SLIT3: variants seen among roughly 807,000 people sequenced by gnomAD.
SLIT3 encodes the protein slit guidance ligand 3.
SLIT3 carries 68 observed loss-of-function variants against 184.0 expected under a neutral mutation model. That is an observed-to-expected ratio of 0.37 (90% CI 0.30 to 0.45). The LOEUF (loss-of-function observed/expected upper bound fraction) is 0.45, where lower values mean the gene tolerates loss of function less well. SLIT3 is among the 20% of genes least tolerant of loss of function. The pLI, the probability that SLIT3 is intolerant of heterozygous loss-of-function variation, is 1.00. For missense variants in SLIT3, 1,707 were observed against 2,026.0 expected, an observed-to-expected ratio of 0.84 and a Z score of 3.02; for synonymous variants, 831 against 828.6, an observed-to-expected ratio of 1.00 and a Z score of -0.05.
chr5:169,002,388 G>A (rs1285305143), intron 4 of SLIT3, among the ~76,000 whole-genome samples: 1 of 142,260 alleles, frequency 7.0e-6, no homozygotes, highest in Admixed American at 7.2e-5. Flanking sequence ...GCATCAATGA[G>A]TACAGATGGG....
At chr5:169,161,948 G>A (rs762333365) in intron 4 of SLIT3, among the ~76,000 whole-genome samples, 9 of 152,198 alleles carry the variant, frequency 5.9e-5, no homozygotes, top group Non-Finnish European at 1.0e-4. Context: ...CTTGTTATGA[G>A]AATTAAGTTC....
chr5:169,206,174 T>C (rs945137790), intron 3 of SLIT3, among the ~76,000 whole-genome samples: 2 of 152,184 alleles, frequency 1.3e-5, no homozygotes, highest in African/African-American at 4.8e-5. Flanking sequence ...TTAGCAACAC[T>C]CTGCAAAAGC....
At chr5:169,184,031 A>G (rs1763251677) in intron 4 of SLIT3, among the ~76,000 whole-genome samples, 2 of 152,250 alleles carry the variant, frequency 1.3e-5, no homozygotes. Flanking sequence ...AGGGCTGAAG[A>G]GACTAAAATG....
intron 4 of SLIT3, among the ~76,000 whole-genome samples, chr5:169,119,307 AG>A (rs1760798081): frequency 6.6e-6 from 1 of 152,192 alleles, no homozygotes; most frequent in African/African-American, 2.4e-5. Context: ...TCTCCTAGGA[AG>A]GAGCACCCCC....
intron 28 of SLIT3, among the ~76,000 whole-genome samples, chr5:168,693,183 C>T (rs1245319630): frequency 1.3e-5 from 2 of 152,182 alleles, no homozygotes; most frequent in Non-Finnish European, 2.9e-5. Context: ...CAGGCAATTA[C>T]AATACAGACT....
chr5:169,022,316 G>C (rs1404293807), intron 4 of SLIT3: 1 of 152,212 alleles, frequency 6.6e-6, no homozygotes, highest in African/African-American at 2.4e-5. Context: ...TGGACACCAA[G>C]GTGGACAGAC....
chr5:169,189,766 C>A (rs769877347), intron 4 of SLIT3, among the ~76,000 whole-genome samples: 167 of 151,968 alleles, frequency 1.1e-3, no homozygotes, highest in Non-Finnish European at 2.0e-3. Context: ...AATTCTTTAA[C>A]CTTTCTGCAC....
chr5:169,103,302 C>G (rs1181246061), intron 4 of SLIT3, among the ~76,000 whole-genome samples: 2 of 152,276 alleles, frequency 1.3e-5, no homozygotes, highest in African/African-American at 2.4e-5. Flanking sequence ...ACAAGTCAAG[C>G]CTGTTTTATT....
At chr5:168,786,601 G>A (rs774927625) in intron 11 of SLIT3, among the ~76,000 whole-genome samples, 1 of 151,444 alleles carries the variant, frequency 6.6e-6, no homozygotes, top group African/African-American at 2.4e-5. Flanking sequence ...TTCCAGGAAC[G>A]CAGGAACTCA....
chr5:169,121,319 CTAGAT>C (rs927812222), intron 4 of SLIT3, among the ~76,000 whole-genome samples: 9 of 152,160 alleles, frequency 5.9e-5, no homozygotes, highest in African/African-American at 2.2e-4. Flanking sequence ...CAAGAGAGGG[CTAGAT>C]TAAAGTCACA....
chr5:169,177,689 A>T (rs55710415), intron 4 of SLIT3, among the ~76,000 whole-genome samples: 4,463 of 152,266 alleles, frequency 0.029, 87 homozygotes, highest in South Asian at 0.096. Context: ...TGGAAAAGAA[A>T]ATGATGCCGA....
chr5:169,040,980 T>C (rs1757431651), intron 4 of SLIT3, among the ~76,000 whole-genome samples: 1 of 152,222 alleles, frequency 6.6e-6, no homozygotes, highest in African/African-American at 2.4e-5. Flanking sequence ...ATAGGTGTAC[T>C]GTCAATACAA....
rs201914229 is a variant in SLIT3, at chr5:168,762,715, C to T, written c.1460-26G>A. On this transcript the variant is annotated intron_variant, in intron 14 of 35. Coordinates refer to ENST00000519560, the MANE Select transcript of SLIT3 (RefSeq NM_003062.4). ...CTGGGAGGGGCCAAAGAGGGGACGT[C>T]AGCGTCACCCGAGTTCCACGCACAG... 1,609 of 1,607,818 alleles carry T rather than the reference C, an allele frequency of 1.0e-3. 2 individuals are homozygous for T. The Middle Eastern group carries it at 0.012, about 12-fold the overall frequency.
chr5:168,955,615 G>T (rs1213325893), intron 4 of SLIT3, among the ~76,000 whole-genome samples: 1 of 152,234 alleles, frequency 6.6e-6, no homozygotes, highest in Non-Finnish European at 1.5e-5. Context: ...GTGAACTGGT[G>T]CCTGCAAGGG....
chr5:169,071,501 C>T (rs978954378), intron 4 of SLIT3, among the ~76,000 whole-genome samples: 17 of 152,084 alleles, frequency 1.1e-4, no homozygotes, highest in African/African-American at 3.4e-4. Flanking sequence ...GCACCCAGAG[C>T]GATAAATGAC....
intron 4 of SLIT3, among the ~76,000 whole-genome samples, chr5:168,962,182 C>T (rs970806417): frequency 3.3e-5 from 5 of 152,072 alleles, no homozygotes; most frequent in Admixed American, 6.5e-5. Flanking sequence ...AGGCTCAGGG[C>T]ATCTCCCAAG....
intron 1 of SLIT3, among the ~76,000 whole-genome samples, chr5:169,263,384 C>A (rs1766266374): frequency 6.6e-6 from 1 of 151,692 alleles, no homozygotes; most frequent in African/African-American, 2.4e-5. Flanking sequence ...GGTATAGTGC[C>A]GTGTGACAAC....
In SLIT3 at chr5:168,820,242, G is replaced by A. The variant is rs76099144; in HGVS notation, c.630-2779C>T. On this transcript the variant is annotated intron_variant, in intron 7 of 35. Coordinates refer to ENST00000519560, the MANE Select transcript of SLIT3 (RefSeq NM_003062.4). ...GGAGGGTGGCCTCCATAGGCTCCTG[G>A]GCTGTGCAGAGGCTCTTATCCCCCT... 1.1e-3 allele frequency among the ~76,000 whole-genome samples: 165 copies of A among 152,250 alleles called. 1 individual carries two copies. The East Asian group carries it at 0.02, about 19-fold the overall frequency.
At chr5:169,151,069 T>C (rs904297879) in intron 4 of SLIT3, among the ~76,000 whole-genome samples, 1 of 151,970 alleles carries the variant, frequency 6.6e-6, no homozygotes, top group Non-Finnish European at 1.5e-5. Flanking sequence ...ATTTGGGACT[T>C]GGGACCCAGG....
Sources: gnomAD v4.1 joint callset for allele counts (sites outside exome capture counted in the v4.1 genomes callset) on GRCh38, gnomAD v4.1.1 for gene constraint, MANE v1.5 for transcripts, NCBI Gene and HGNC (gene_info 2026-07-23, HGNC 2026-07-21) for gene names.